Variants in KIF21A observed in about 807,000 individuals in gnomAD.
KIF21A encodes the protein kinesin family member 21A.
A neutral mutation model predicts 202.9 loss-of-function variants in KIF21A; 114 were observed. The observed-to-expected ratio is 0.56, with a 90% CI of 0.48 to 0.66. The LOEUF (loss-of-function observed/expected upper bound fraction) is 0.66. Ranked by LOEUF, KIF21A falls within the 30% of genes least tolerant of loss-of-function variation. The probability of loss-of-function intolerance (pLI) is 0.00; values close to 1 mark genes in which losing one functional copy is unlikely to be tolerated. For synonymous variants in KIF21A, 667 were observed against 670.8 expected, an observed-to-expected ratio of 0.99 and a Z score of 0.09; for missense variants, 1,677 against 1,994.9, an observed-to-expected ratio of 0.84 and a Z score of 3.04.
rs780145418 is a variant in KIF21A, at chr12:39,330,230, A to T, written c.3340+12T>A. 6.8e-6 allele frequency: 11 copies of T among 1,609,606 alleles called. No individual in the cohort carries two copies. The Admixed American group carries it at 1.0e-4, about 15-fold the overall frequency. ...GCAGCTGTAGGATACACAGAAAGCTAAACATACTTACCTAATGGTACGCTA... is the reference window on the plus strand; with the variant it reads ...GCAGCTGTAGGATACACAGAAAGCTTAACATACTTACCTAATGGTACGCTA... On this transcript the variant is annotated intron_variant, in intron 24 of 37. Coordinates refer to ENST00000361418, the MANE Select transcript of KIF21A (RefSeq NM_001173464.2).
intron 1 of KIF21A, among the ~76,000 whole-genome samples, chr12:39,377,333 C>G (rs1176698033): frequency 6.6e-6 from 1 of 152,074 alleles, no homozygotes; most frequent in African/African-American, 2.4e-5. Context: ...TTAATTATTT[C>G]TTACTAAATT....
Position 39,436,448 on chromosome 12 carries a change from A to ATATATATATATTT in KIF21A, c.44+6478_44+6479insAAATATATATATA, listed in dbSNP as rs1387332677. 3.2e-4 allele frequency among the ~76,000 whole-genome samples: 31 copies of ATATATATATATTT among 95,762 alleles called. 1 individual carries two copies. Among genetic ancestry groups the ATATATATATATTT allele is most frequent in the Admixed American group, 8.3e-4 (8 of 9,672 alleles). The allele number at this position is 95,762 out of a possible 152,430, so 62.8% of individuals were successfully genotyped here. The stretch of plus-strand genomic sequence containing the variant: ...TATATATATATATATATATATATAT[A>ATATATATATATTT]TTTTTTTTTTTTTTAGACAGGGTTT... On this transcript the variant is annotated intron_variant, in intron 1 of 37. Coordinates refer to ENST00000361418, the MANE Select transcript of KIF21A (RefSeq NM_001173464.2).
At chr12:39,418,526 C>A (rs921842879) in intron 1 of KIF21A, among the ~76,000 whole-genome samples, 1 of 152,174 alleles carries the variant, frequency 6.6e-6, no homozygotes, top group Non-Finnish European at 1.5e-5. Context: ...TACCCGGGCA[C>A]ATAAACATCC....
At position 39,304,958 on chromosome 12, in the gene KIF21A, T is replaced by C. The variant is rs1430521658; in HGVS notation, c.4443-20A>G. 1 of 1,189,462 alleles carries C rather than the reference T, an allele frequency of 8.4e-7. No individual in the cohort carries two copies. Among genetic ancestry groups the C allele is most frequent in the African/African-American group, 1.5e-5 (1 of 66,050 alleles). 73.7% of individuals were successfully genotyped at this position (1,189,462 alleles called of 1,614,324 possible). On this transcript the variant is annotated intron_variant, in intron 34 of 37. Transcript: ENST00000361418. ...TGAAACCTTTAAAAATAAAGAAAAATAGTTTTGTTTAAAATTATTTCTTAG... is the reference window on the plus strand; with the variant it reads ...TGAAACCTTTAAAAATAAAGAAAAACAGTTTTGTTTAAAATTATTTCTTAG...
intron 1 of KIF21A, among the ~76,000 whole-genome samples, chr12:39,390,396 T>G (rs1317723801): frequency 6.6e-6 from 1 of 152,182 alleles, no homozygotes; most frequent in Non-Finnish European, 1.5e-5. Flanking sequence ...AGGTGAATGA[T>G]TCAAGTTTAC....
intron 36 of KIF21A, 40 bp from the exon 37 acceptor site, chr12:39,301,719 T>C: frequency 6.6e-7 from 1 of 1,514,344 alleles, no homozygotes. Context: ...TAAGGAGAGC[T>C]TCCAAACTGA....
rs539688485 is a variant in KIF21A, at chr12:39,340,064, T to G, written c.2310+101A>C. 5.4e-6 allele frequency: 5 copies of G among 917,612 alleles called. No individual in the cohort carries two copies. The South Asian group carries it at 7.7e-5, about 14-fold the overall frequency. 56.8% of individuals were successfully genotyped at this position (917,612 alleles called of 1,614,324 possible). On this transcript the variant is annotated intron_variant, in intron 16 of 37. Transcript: ENST00000361418. ...ACATCATTTGTAAGATTGGGTTACC[T>G]TTATCGAATATGGAAAGAACCACAA... is the stretch of plus-strand genomic sequence containing the variant.
At position 39,326,309 on chromosome 12, in the gene KIF21A, C is replaced by T. The variant is rs758701315; in HGVS notation, c.3356G>A (p.Ser1119Asn). ...DSVPLENVED[S>N]TDEDAPLNSP... The stretch of plus-strand genomic sequence containing the variant: ...GTTTAAAGGAGCATCCTCATCAGTA[C>T]TATCCTCTACATTTTCTACAAAAAA... The change falls in exon 25 of 38, where the codon AGT becomes AAT. Residue 1119 changes from serine to asparagine, a missense_variant. Transcript: ENST00000361418. 1 of 1,611,664 alleles carries T rather than the reference C, an allele frequency of 6.2e-7. No individual in the cohort carries two copies. Among genetic ancestry groups the T allele is most frequent in the Non-Finnish European group, 8.5e-7 (1 of 1,178,040 alleles).
chr12:39,297,872 T>TAA (rs1942557676), intron 37 of KIF21A, among the ~76,000 whole-genome samples: 2 of 148,938 alleles, frequency 1.3e-5, no homozygotes, highest in Non-Finnish European at 3.0e-5. Flanking sequence ...ATAATAATAA[T>TAA]TATTATTATT....
chr12:39,351,767 A>T lies in KIF21A; in HGVS notation c.1673+10T>A. The T allele has an allele frequency of 6.7e-7, 1 of 1,494,466 alleles. No homozygotes were observed. The highest frequency in any genetic ancestry group is 9.3e-7 in the Non-Finnish European group (1 of 1,074,978). The allele number at this position is 1,494,466 out of a possible 1,614,324, so 92.6% of individuals were successfully genotyped here. ...TAGAGATTCATTTAGTGGTGATTTTATAATCCCACCTTTTTTTCTTCCTCT... is the reference window on the plus strand; with the variant it reads ...TAGAGATTCATTTAGTGGTGATTTTTTAATCCCACCTTTTTTTCTTCCTCT... On this transcript the variant is annotated intron_variant, in intron 11 of 37. Transcript: ENST00000361418.
intron 7 of KIF21A, among the ~76,000 whole-genome samples, chr12:39,361,934 T>C (rs1490728862): frequency 2.6e-5 from 4 of 152,190 alleles, no homozygotes; most frequent in Non-Finnish European, 5.9e-5. Context: ...TCATGTAAAA[T>C]TGTAATCCCC....
chr12:39,343,709 T>C (rs1158032863), intron 12 of KIF21A, among the ~76,000 whole-genome samples: 2 of 152,158 alleles, frequency 1.3e-5, no homozygotes, highest in African/African-American at 4.8e-5. Context: ...GAGTTTGTCA[T>C]TTATGTTTAT....
rs113878846 is a variant in KIF21A, at chr12:39,369,764, C to A, written c.415G>T (p.Ala139Ser). 304 of 1,612,862 alleles carry A rather than the reference C, an allele frequency of 1.9e-4. No individual in the cohort carries two copies. In the African/African-American group the frequency reaches 3.4e-3, roughly 18 times the overall value. Residue 139 changes from alanine to serine, a missense_variant, in exon 3 of 38, where the codon GCT becomes TCT. Ala to Ser is a moderately conservative substitution (Grantham distance 99). This residue lies in a region of KIF21A where 966 missense variants were observed against 1,180.9 expected (regional missense o/e 0.82). Coordinates refer to ENST00000361418, the MANE Select transcript of KIF21A (RefSeq NM_001173464.2). Reference protein sequence around the residue: ...KHIAIKNGLPAPDFKVNAQFL... With the variant: ...KHIAIKNGLPSPDFKVNAQFL... ...TGGGCATTCACTTTAAAATCTGGAG[C>A]AGGAAGCCCATTTTTAATTGCTATG...
chr12:39,391,733 CGTT>C (rs35775183), intron 1 of KIF21A, among the ~76,000 whole-genome samples: 667 of 150,880 alleles, frequency 4.4e-3, no homozygotes, highest in Non-Finnish European at 6.1e-3. Context: ...CTGCAATTTT[CGTT>C]GTTGTTGTTG....
chr12:39,329,963 C>A, intron 24 of KIF21A: 1 of 360,754 alleles, frequency 2.8e-6, no homozygotes, highest in Non-Finnish European at 5.1e-6. Flanking sequence ...AGAAAGAACA[C>A]AGGGGGTTTA....
chr12:39,313,088 T>G (rs1944188933), intron 31 of KIF21A, among the ~76,000 whole-genome samples: 1 of 151,944 alleles, frequency 6.6e-6, no homozygotes, highest in Non-Finnish European at 1.5e-5. Context: ...AAGTTAGAGC[T>G]GACAATGGAG....
intron 1 of KIF21A, among the ~76,000 whole-genome samples, chr12:39,395,859 A>G (rs1951707215): frequency 1.5e-5 from 2 of 130,702 alleles, no homozygotes; most frequent in African/African-American, 4.3e-5. Context: ...AAAAAAAAAA[A>G]GAAGAAGAAA....
chr12:39,309,498 T>A (rs991026747), intron 33 of KIF21A, 88 bp downstream of exon 33: 2 of 949,056 alleles, frequency 2.1e-6, no homozygotes, highest in East Asian at 5.2e-5. Context: ...AAAATGCATT[T>A]ATAGTCCTCT....
At chr12:39,362,049 A>C (rs915499579) in intron 7 of KIF21A, among the ~76,000 whole-genome samples, 2 of 151,922 alleles carry the variant, frequency 1.3e-5, no homozygotes, top group African/African-American at 4.8e-5. Flanking sequence ...TGGTTGCTTA[A>C]AAGTGTTTGG....
Sources: gnomAD v4.1 joint callset for allele counts (sites outside exome capture counted in the v4.1 genomes callset) on GRCh38, gnomAD v4.1.1 for gene constraint, gnomAD v4.1.1 regional missense constraint, MANE v1.5 for transcripts, NCBI Gene and HGNC (gene_info 2026-07-23, HGNC 2026-07-21) for gene names.